The following TNFAIP6 variants were observed in gnomAD, a reference collection of about 807,000 sequenced individuals.
The protein encoded by TNFAIP6 is tumor necrosis factor-inducible gene 6 protein.
A neutral mutation model predicts 33.7 loss-of-function variants in TNFAIP6; 36 were observed. The ratio of observed to expected loss-of-function variants is 1.07; its 90% CI spans 0.82 to 1.41. The LOEUF is 1.41. Ranked by LOEUF, TNFAIP6 falls within the 40% of genes most tolerant of loss-of-function variation. TNFAIP6 has a pLI of 0.00. For missense variants in TNFAIP6, 273 were observed against 331.9 expected, an observed-to-expected ratio of 0.82 and a Z score of 1.38; for synonymous variants, 113 against 112.8, an observed-to-expected ratio of 1.00 and a Z score of -0.01.
At chr2:151,357,800 A>C in intron 1 of TNFAIP6, 40 bp downstream of exon 1, 1 of 1,248,916 alleles carries the variant, frequency 8.0e-7, no homozygotes, top group Non-Finnish European at 1.2e-6. Flanking sequence ...TGAGAATGTC[A>C]ATTCTTTAAA....
At chr2:151,380,271 C>T (rs1481203707), downstream of TNFAIP6, among the ~76,000 whole-genome samples, 2 of 151,678 alleles carry the variant, frequency 1.3e-5, no homozygotes, top group African/African-American at 4.8e-5. Context: ...TTTTTAAAAA[C>T]TGATATAATC....
chr2:151,357,828 T>C (rs1018971159), intron 1 of TNFAIP6, 68 bp downstream of exon 1: 19 of 1,043,334 alleles, frequency 1.8e-5, no homozygotes, highest in African/African-American at 3.1e-5. Context: ...GAAGGAAATT[T>C]AAAGCAGTAA....
intron 1 of TNFAIP6, among the ~76,000 whole-genome samples, chr2:151,358,210 A>T (rs1573776356): frequency 6.6e-6 from 1 of 152,182 alleles, no homozygotes; most frequent in Non-Finnish European, 1.5e-5. Context: ...GCTATAGTCT[A>T]TATCTTAGTT....
At chr2:151,365,614 G>A (rs1449795321) in intron 2 of TNFAIP6, among the ~76,000 whole-genome samples, 1 of 152,112 alleles carries the variant, frequency 6.6e-6, no homozygotes, top group Non-Finnish European at 1.5e-5. Flanking sequence ...ACTCCAGCCT[G>A]GGTGACAGAG....
intron 1 of TNFAIP6, among the ~76,000 whole-genome samples, chr2:151,362,989 G>A (rs956838039): frequency 6.6e-6 from 1 of 152,104 alleles, no homozygotes; most frequent in Non-Finnish European, 1.5e-5. Context: ...TTTATCACCT[G>A]TGGATAGTGT....
intron 5 of TNFAIP6, among the ~76,000 whole-genome samples, chr2:151,375,676 C>G (rs13412493): frequency 0.028 from 4,182 of 151,658 alleles, 160 homozygotes; most frequent in African/African-American, 0.086. Flanking sequence ...CCACTGCACT[C>G]CAGCCTGGGT....
chr2:151,378,275 G>A (rs894021510), intron 5 of TNFAIP6, among the ~76,000 whole-genome samples: 2 of 152,050 alleles, frequency 1.3e-5, no homozygotes, highest in Admixed American at 6.6e-5. Context: ...ATATAATAAA[G>A]TTTTTCCTTT....
chr2:151,360,330 G>A (rs576798175), intron 1 of TNFAIP6, among the ~76,000 whole-genome samples: 6 of 152,088 alleles, frequency 3.9e-5, no homozygotes, highest in East Asian at 1.9e-4. Flanking sequence ...GAAAAGTGAC[G>A]TATCTTGAGT....
At chr2:151,374,619 GCT>G (rs1010601837) in intron 5 of TNFAIP6, among the ~76,000 whole-genome samples, 12 of 152,078 alleles carry the variant, frequency 7.9e-5, no homozygotes, top group African/African-American at 2.9e-4. Context: ...GGAACTTCCT[GCT>G]CTGTTATCGA....
In TNFAIP6 at chr2:151,375,252, A is replaced by G. The variant is rs540027562; in HGVS notation, c.664+1663A>G. Among the ~76,000 whole-genome samples the G allele has an allele frequency of 3.2e-3, 328 of 103,072 alleles. 2 individuals carry two copies. The highest frequency in any genetic ancestry group is 0.014 in the African/African-American group (291 of 21,492). 67.6% of individuals were successfully genotyped at this position (103,072 alleles called of 152,430 possible). A position where few individuals can be genotyped will look rare whatever the true frequency, so the allele number is the denominator to read the frequency against. ...TTGGCACAACTTCAAGAAACTGGGA[A>G]AAAAAAAACCCACACAATTTATCAT... On this transcript the variant is annotated intron_variant, in intron 5 of 5. Coordinates refer to ENST00000243347, the MANE Select transcript of TNFAIP6 (RefSeq NM_007115.4).
In TNFAIP6 at chr2:151,379,563, A is replaced by T; in HGVS notation, c.*30A>T. ...AAAAAAAAGGATGATCAAAACACAC[A>T]GTGTTTATGTTGGAATCTTTTGGAA... On this transcript the variant is annotated 3_prime_UTR_variant, in exon 6 of 6. Transcript: ENST00000243347. The T allele has an allele frequency of 1.4e-6, 2 of 1,456,482 alleles. No homozygotes were observed. The highest frequency in any genetic ancestry group is 1.8e-6 in the Non-Finnish European group (2 of 1,089,086). The allele number at this position is 1,456,482 out of a possible 1,614,324, so 90.2% of individuals were successfully genotyped here. A position where few individuals can be genotyped will look rare whatever the true frequency, so the allele number is the denominator to read the frequency against.
At chr2:151,361,277 T>C (rs2152011854) in intron 1 of TNFAIP6, among the ~76,000 whole-genome samples, 1 of 152,276 alleles carries the variant, frequency 6.6e-6, no homozygotes, top group South Asian at 2.1e-4. Context: ...GGTTTCACCA[T>C]GTTGGCCAGG....
intron 1 of TNFAIP6, 26 bp from the exon 2 acceptor site, chr2:151,363,917 T>C: frequency 6.2e-7 from 1 of 1,610,154 alleles, no homozygotes; most frequent in Non-Finnish European, 8.5e-7. Context: ...ACAACAGTGC[T>C]TTTATGACAT....
At position 151,361,079 on chromosome 2, in the gene TNFAIP6, GT is replaced by G. The variant is rs374993163; in HGVS notation, c.95-2857del. 5.7e-3 allele frequency among the ~76,000 whole-genome samples: 867 copies of G among 151,848 alleles called. 6 individuals carry two copies. Among genetic ancestry groups the G allele is most frequent in the African/African-American group, 0.02 (829 of 41,396 alleles). On this transcript the variant is annotated intron_variant, in intron 1 of 5. Transcript: ENST00000243347. ...AATTTTTTTGTTTTGTTTTGGTTTG[GT>G]TTTTTTGTTTTTTGAGATGGAGTCT...
At position 151,379,484 on chromosome 2, in the gene TNFAIP6, C is replaced by T; in HGVS notation, c.785C>T (p.Thr262Ile). The change falls in exon 6 of 6, where the codon ACT becomes ATT. Residue 262 changes from threonine to isoleucine, a missense_variant. Thr to Ile is a moderately conservative substitution (Grantham distance 89, BLOSUM62 -1). Transcript: ENST00000243347. ...KSSQGKNTST[T>I]STGNKNFLAG... ...AGTCAAGGAAAAAATACAAGTACTA[C>T]TTCTACTGGAAATAAAAACTTTTTA... The T allele has an allele frequency of 6.3e-7, 1 of 1,585,052 alleles. No homozygotes were observed. The highest frequency in any genetic ancestry group is 8.5e-7 in the Non-Finnish European group (1 of 1,170,718).
rs755326330 is a variant in TNFAIP6 at position 151,364,064 on chromosome 2, G to A, written c.216G>A (p.Glu72=). Residue 72 remains glutamate, a synonymous_variant, in exon 2 of 6, where the codon GAG becomes GAA. Coordinates refer to ENST00000243347, the MANE Select transcript of TNFAIP6 (RefSeq NM_007115.4). ...GGHLATYKQL[E]AARKIGFHVC... The stretch of plus-strand genomic sequence containing the variant: ...ATCTCGCAACTTACAAGCAGCTAGA[G>A]GCAGCCAGAAAAATTGGTAACTGAT... 1.2e-6 allele frequency: 2 copies of A among 1,613,220 alleles called. No homozygotes were observed. The highest frequency in any genetic ancestry group is 3.4e-5 in the Admixed American group (2 of 59,622).
At chr2:151,364,361 C>T (rs565095179) in intron 2 of TNFAIP6, among the ~76,000 whole-genome samples, 7 of 152,280 alleles carry the variant, frequency 4.6e-5, no homozygotes, top group African/African-American at 1.7e-4. Context: ...TTAAATTTCT[C>T]ATTAATTTCA....
chr2:151,378,861 G>A (rs993648604), intron 5 of TNFAIP6, among the ~76,000 whole-genome samples: 1 of 151,906 alleles, frequency 6.6e-6, no homozygotes, highest in African/African-American at 2.4e-5. Context: ...ACTTGGGAAG[G>A]CCGAGGTGCG....
At chr2:151,359,137 G>A (rs1219536273) in intron 1 of TNFAIP6, among the ~76,000 whole-genome samples, 2 of 152,150 alleles carry the variant, frequency 1.3e-5, no homozygotes, top group Non-Finnish European at 1.5e-5. Flanking sequence ...CTACAAATCT[G>A]AGGGTCAGGA....
Sources: allele counts gnomAD v4.1 joint callset (sites outside exome capture counted in the v4.1 genomes callset), GRCh38; gene constraint gnomAD v4.1.1; transcripts MANE v1.5; gene names NCBI Gene and HGNC (gene_info 2026-07-23, HGNC 2026-07-21).